The following FNIP2 variants were observed in gnomAD, a reference collection of about 807,000 sequenced individuals.
FNIP2 encodes the protein folliculin-interacting protein 2.
FNIP2 carries 32 observed loss-of-function variants against 108.7 expected under a neutral mutation model. The observed-to-expected ratio is 0.29, with a 90% CI of 0.22 to 0.40. The LOEUF (loss-of-function observed/expected upper bound fraction) is 0.40, where lower values mean the gene tolerates loss of function less well. Among genes scored for constraint, FNIP2 ranks in the 10% least tolerant of loss-of-function variants. The pLI, the probability that FNIP2 is intolerant of heterozygous loss-of-function variation, is 1.00. For synonymous variants in FNIP2, 480 were observed against 496.7 expected, an observed-to-expected ratio of 0.97 and a Z score of 0.45; for missense variants, 1,202 against 1,381.6, an observed-to-expected ratio of 0.87 and a Z score of 2.06.
Position 158,906,928 on chromosome 4 carries a change from AC to A in FNIP2, c.*2386del, listed in dbSNP as rs1729891577. Reference sequence around the variant, plus strand: ...AGGGACCCCACTTGCTCCCATGCCCACCTCAAGAAAAAACATAAAACAATTT... The same window carrying A: ...AGGGACCCCACTTGCTCCCATGCCCACTCAAGAAAAAACATAAAACAATTT... On this transcript the variant is annotated 3_prime_UTR_variant, in exon 17 of 17. Coordinates refer to ENST00000264433, the MANE Select transcript of FNIP2 (RefSeq NM_020840.3). 6.6e-6 allele frequency: 1 copy of A among 152,208 alleles called. No individual in the cohort carries two copies. The highest frequency in any genetic ancestry group is 2.4e-5 in the African/African-American group (1 of 41,446). The allele number at this position is 152,208 out of a possible 1,614,324, so 9.4% of individuals were successfully genotyped here. A position where few individuals can be genotyped will look rare whatever the true frequency, so the allele number is the denominator to read the frequency against.
At chr4:158,903,804 C>T (rs530101172) in intron 16 of FNIP2, among the ~76,000 whole-genome samples, 19 of 152,136 alleles carry the variant, frequency 1.2e-4, no homozygotes, top group African/African-American at 4.3e-4. Flanking sequence ...TGAAACAGTT[C>T]AATTTTTTTT....
chr4:158,859,772 A>G (rs1780179132), intron 10 of FNIP2, 106 bp downstream of exon 10: 13 of 950,518 alleles, frequency 1.4e-5, no homozygotes, highest in Middle Eastern at 2.1e-4. Context: ...GTTATTCCTC[A>G]CTTTTGTGGT....
At chr4:158,871,269 T>C (rs1780932419) in intron 14 of FNIP2, among the ~76,000 whole-genome samples, 1 of 152,228 alleles carries the variant, frequency 6.6e-6, no homozygotes, top group Non-Finnish European at 1.5e-5. Flanking sequence ...TGTTTTTAAC[T>C]GAGCTGTTAT....
At chr4:158,776,473 A>G (rs935663057) in intron 1 of FNIP2, among the ~76,000 whole-genome samples, 1 of 152,186 alleles carries the variant, frequency 6.6e-6, no homozygotes, top group African/African-American at 2.4e-5. Flanking sequence ...AAAATTGGAC[A>G]TTTTTTGTCT....
rs759664443 is a variant in FNIP2 at position 158,873,001 on chromosome 4, AC to A, written c.2949+2534del. On this transcript the variant is annotated intron_variant, in intron 14 of 16. Coordinates refer to ENST00000264433, the MANE Select transcript of FNIP2 (RefSeq NM_020840.3). The stretch of plus-strand genomic sequence containing the variant: ...TTGCTTTATCAAACTTGCTTTCAAA[AC>A]CTGTTTTTTAAGTTGGGCACAGTGG... Among the ~76,000 whole-genome samples the A allele has an allele frequency of 4.8e-4, 73 of 152,192 alleles. No homozygotes were observed. In the Middle Eastern group the frequency reaches 0.01, roughly 21 times the overall value.
intron 16 of FNIP2, among the ~76,000 whole-genome samples, chr4:158,896,295 G>C (rs1782665999): frequency 6.6e-6 from 1 of 152,184 alleles, no homozygotes; most frequent in African/African-American, 2.4e-5. Flanking sequence ...TTCTAGGCTT[G>C]AGGAGCCTGC....
intron 7 of FNIP2, among the ~76,000 whole-genome samples, chr4:158,842,080 A>T (rs997300906): frequency 6.6e-6 from 1 of 152,224 alleles, no homozygotes; most frequent in Admixed American, 6.5e-5. Flanking sequence ...AGTGTGGCTC[A>T]GTTTCTTATT....
intron 8 of FNIP2, among the ~76,000 whole-genome samples, chr4:158,855,969 G>A (rs1022167366): frequency 1.3e-5 from 2 of 152,016 alleles, no homozygotes; most frequent in Non-Finnish European, 2.9e-5. Context: ...TGTTAGAATC[G>A]GGCAACACTT....
chr4:158,820,032 T>C (rs532796733), intron 1 of FNIP2, among the ~76,000 whole-genome samples: 1 of 152,350 alleles, frequency 6.6e-6, no homozygotes, highest in East Asian at 1.9e-4. Context: ...GTAGTAGGCA[T>C]ACAGGAATTG....
intron 1 of FNIP2, among the ~76,000 whole-genome samples, chr4:158,771,056 A>C (rs1775683085): frequency 6.6e-6 from 1 of 152,230 alleles, no homozygotes; most frequent in African/African-American, 2.4e-5. Context: ...GAACATTTTC[A>C]GTAGTGTTCT....
At position 158,859,600 on chromosome 4, in the gene FNIP2, T is replaced by G; in HGVS notation, c.1082T>G (p.Ile361Arg). 6.2e-7 allele frequency: 1 copy of G among 1,613,470 alleles called. No homozygotes were observed. Among genetic ancestry groups the G allele is most frequent in the South Asian group, 1.1e-5 (1 of 90,894 alleles). ...IEKAMISCRK[I>R]AESSLRVQFY... ...AAGGCTATGATCTCCTGTAGGAAAA[T>G]AGCAGAATCAAGTCTCCGAGTCCAG... The change falls in exon 10 of 17, where the codon ATA (isoleucine) becomes AGA (arginine). Residue 361 changes from isoleucine (I) to arginine (R), a missense_variant. Transcript: ENST00000264433.
At chr4:158,789,465 G>A (rs1466379901) in intron 1 of FNIP2, among the ~76,000 whole-genome samples, 1 of 152,126 alleles carries the variant, frequency 6.6e-6, no homozygotes, top group Non-Finnish European at 1.5e-5. Flanking sequence ...GGATGGCCAG[G>A]TACTCTGACT....
rs552106246 is a variant in FNIP2, at chr4:158,786,669, A to T, written c.107+17350A>T. On this transcript the variant is annotated intron_variant, in intron 1 of 16. Coordinates refer to ENST00000264433, the MANE Select transcript of FNIP2 (RefSeq NM_020840.3). The stretch of plus-strand genomic sequence containing the variant: ...AGAGTTCACAGTGGTTTTTATTTTT[A>T]AAAAAAACAGCTCGGTTTGGGAAAA... Among the ~76,000 whole-genome samples the T allele has an allele frequency of 7.7e-4, 117 of 151,988 alleles. 1 individual carries two copies. The highest frequency in any genetic ancestry group is 1.0e-3 in the Non-Finnish European group (69 of 67,896).
rs1729805613 is a variant in FNIP2, at chr4:158,905,950, A to C, written c.*1406A>C. The C allele has an allele frequency of 2.0e-5, 3 of 152,188 alleles. No individual in the cohort carries two copies. 9.4% of individuals were successfully genotyped at this position (152,188 alleles called of 1,614,324 possible). A position where few individuals can be genotyped will look rare whatever the true frequency, so the allele number is the denominator to read the frequency against. ...GTTCTTTTCATGTATCTTTGAACCT[A>C]AGATTATGAAGTAATTTCCCTATTA... On this transcript the variant is annotated 3_prime_UTR_variant, in exon 17 of 17. Coordinates refer to ENST00000264433, the MANE Select transcript of FNIP2 (RefSeq NM_020840.3).
At chr4:158,836,089 G>A (rs1227213578) in intron 7 of FNIP2, 1 of 152,416 alleles carries the variant, frequency 6.6e-6, no homozygotes, top group African/African-American at 2.4e-5. Context: ...GAGGTGGTGT[G>A]TGGTGCTCTG....
intron 1 of FNIP2, among the ~76,000 whole-genome samples, chr4:158,801,193 G>A (rs1229554972): frequency 6.6e-6 from 1 of 152,088 alleles, no homozygotes; most frequent in Non-Finnish European, 1.5e-5. Flanking sequence ...CAGAATCCTG[G>A]GGAGGCGGTA....
At chr4:158,886,279 A>G (rs1395242520) in intron 14 of FNIP2, among the ~76,000 whole-genome samples, 1 of 152,226 alleles carries the variant, frequency 6.6e-6, no homozygotes, top group Non-Finnish European at 1.5e-5. Context: ...GCAAGGGGAA[A>G]ATGATAATGG....
intron 15 of FNIP2, chr4:158,893,804 G>T: frequency 1.2e-6 from 1 of 855,732 alleles, no homozygotes; most frequent in Non-Finnish European, 1.8e-6. Context: ...TAATACATAC[G>T]TCTTGTCACA....
intron 14 of FNIP2, among the ~76,000 whole-genome samples, chr4:158,875,437 G>A (rs546008446): frequency 4.7e-5 from 7 of 149,786 alleles, no homozygotes; most frequent in South Asian, 4.2e-4. Context: ...AATTTTAAGC[G>A]TAGCAACAGA....
Sources: gnomAD v4.1 joint callset for allele counts (sites outside exome capture counted in the v4.1 genomes callset) on GRCh38, gnomAD v4.1.1 for gene constraint, MANE v1.5 for transcripts, NCBI Gene and HGNC (gene_info 2026-07-23, HGNC 2026-07-21) for gene names.